Variants in UGT2A1 observed in about 807,000 individuals in gnomAD.
UGT2A1 encodes the protein UDP glucuronosyltransferase family 2 member A1 complex locus.
A neutral mutation model predicts 45.4 loss-of-function variants in UGT2A1; 61 were observed. That is an observed-to-expected ratio of 1.34 (90% confidence interval 1.09 to 1.66). The LOEUF (loss-of-function observed/expected upper bound fraction) is 1.66. Ranked by LOEUF, UGT2A1 falls within the 40% of genes most tolerant of loss-of-function variation. The pLI, the probability that UGT2A1 is intolerant of heterozygous loss-of-function variation, is 0.00. For synonymous variants in UGT2A1, 229 were observed against 196.2 expected (o/e 1.17, Z -1.40); for missense variants, 649 against 574.3 (o/e 1.13, Z -1.33).
intron 6 of UGT2A1, among the ~76,000 whole-genome samples, chr4:69,590,980 A>G (rs552288879): frequency 6.6e-5 from 10 of 152,224 alleles, no homozygotes; most frequent in Admixed American, 1.3e-4. Flanking sequence ...ACACATCCAT[A>G]TATATACTCT....
At chr4:69,612,408 T>G (rs80260976) in intron 3 of UGT2A1, among the ~76,000 whole-genome samples, 6,575 of 151,978 alleles carry the variant, frequency 0.043, 232 homozygotes, top group South Asian at 0.17. Context: ...ATTCTAAAAT[T>G]TATATGGAAC....
At chr4:69,631,105 A>G (rs932822479) in intron 3 of UGT2A1, among the ~76,000 whole-genome samples, 1 of 152,154 alleles carries the variant, frequency 6.6e-6, no homozygotes, top group Non-Finnish European at 1.5e-5. Context: ...AATCAGTGAT[A>G]GCTATCTCAA....
intron 3 of UGT2A1, among the ~76,000 whole-genome samples, chr4:69,613,929 T>C (rs889726539): frequency 1.3e-5 from 2 of 152,020 alleles, no homozygotes; most frequent in African/African-American, 4.8e-5. Flanking sequence ...GAGTAGGATA[T>C]GTGCTTTCAC....
intron 3 of UGT2A1, among the ~76,000 whole-genome samples, chr4:69,623,376 A>T (rs755313233): frequency 1.3e-5 from 2 of 151,798 alleles, no homozygotes; most frequent in African/African-American, 4.8e-5. Flanking sequence ...AATTTTTGTG[A>T]GAATCATCTC....
At chr4:69,611,869 A>ATTAC (rs931291802) in intron 3 of UGT2A1, among the ~76,000 whole-genome samples, 2 of 152,180 alleles carry the variant, frequency 1.3e-5, no homozygotes, top group Non-Finnish European at 2.9e-5. Flanking sequence ...AGTTTCCCTC[A>ATTAC]TTACACATAC....
chr4:69,618,326 G>A (rs1276854545), intron 3 of UGT2A1, among the ~76,000 whole-genome samples: 1 of 142,062 alleles, frequency 7.0e-6, no homozygotes, highest in Non-Finnish European at 1.6e-5. Context: ...ATTAAATTAA[G>A]TCCAACCAGT....
chr4:69,639,197 A>G (rs1420699036), intron 2 of UGT2A1: 1 of 1,613,710 alleles, frequency 6.2e-7, no homozygotes, highest in East Asian at 2.2e-5. Context: ...CACCTTTCTG[A>G]AGTCTTGCCA....
intron 3 of UGT2A1, among the ~76,000 whole-genome samples, chr4:69,610,315 C>G (rs1396935592): frequency 6.6e-6 from 1 of 151,974 alleles, no homozygotes; most frequent in Non-Finnish European, 1.5e-5. Flanking sequence ...ATTGCTTAAT[C>G]ATTTAGCATT....
intron 3 of UGT2A1, among the ~76,000 whole-genome samples, chr4:69,634,012 G>A (rs1172255840): frequency 1.3e-5 from 2 of 152,082 alleles, no homozygotes; most frequent in Admixed American, 1.3e-4. Context: ...TTGGGAGGCC[G>A]AGGCGGGCGG....
At chr4:69,591,944 TC>T (rs1718617082) in intron 6 of UGT2A1, among the ~76,000 whole-genome samples, 1 of 152,282 alleles carries the variant, frequency 6.6e-6, no homozygotes, top group Admixed American at 6.5e-5. Context: ...AATTATGATT[TC>T]TAAAATTATG....
rs568101924 is a variant in UGT2A1, at chr4:69,606,224, C to T, written c.848-6830G>A. ...GCGGCACATCAAAAAGCTTACCCAC[C>T]ATGATCAAGTGGGCTTCATCCCTGG... On this transcript the variant is annotated intron_variant, in intron 3 of 6. Coordinates refer to ENST00000286604, the MANE Select transcript of UGT2A1 (RefSeq NM_001252275.3). 2.9e-5 allele frequency among the ~76,000 whole-genome samples: 4 copies of T among 136,346 alleles called. No individual in the cohort carries two copies. The East Asian group carries it at 8.2e-4, about 28-fold the overall frequency. The allele number at this position is 136,346 out of a possible 152,430, so 89.4% of individuals were successfully genotyped here. A position where few individuals can be genotyped will look rare whatever the true frequency, so the allele number is the denominator to read the frequency against.
rs536247028 is a variant in UGT2A1, at chr4:69,602,999, G to A, written c.848-3605C>T. Among the ~76,000 whole-genome samples the A allele has an allele frequency of 8.9e-5, 12 of 135,058 alleles. 3 individuals carry two copies. The South Asian group carries it at 2.4e-3, about 27-fold the overall frequency. The allele number at this position is 135,058 out of a possible 152,430, so 88.6% of individuals were successfully genotyped here. ...AGAGAATTGCTTGAACCCGGGAGGA[G>A]GAGGTTGCAGTGAGCCAAGATCACG... On this transcript the variant is annotated intron_variant, in intron 3 of 6. Transcript: ENST00000286604.
intron 3 of UGT2A1, among the ~76,000 whole-genome samples, chr4:69,622,870 A>C (rs780163401): frequency 3.4e-4 from 51 of 151,792 alleles, no homozygotes; most frequent in Non-Finnish European, 5.9e-4. Flanking sequence ...TTTCCTGACA[A>C]AAATTGCTAA....
chr4:69,593,739 A>C (rs937334854), intron 6 of UGT2A1, among the ~76,000 whole-genome samples: 6 of 151,830 alleles, frequency 4.0e-5, no homozygotes, highest in Non-Finnish European at 7.4e-5. Flanking sequence ...GTGTGTATAC[A>C]TATACTAATT....
intron 3 of UGT2A1, among the ~76,000 whole-genome samples, chr4:69,611,447 A>G (rs1332288139): frequency 2.0e-5 from 3 of 147,958 alleles, no homozygotes; most frequent in Admixed American, 1.4e-4. Flanking sequence ...AAATGATAAG[A>G]AAAAAAAACT....
At chr4:69,613,618 T>C (rs1720197527) in intron 3 of UGT2A1, among the ~76,000 whole-genome samples, 1 of 152,014 alleles carries the variant, frequency 6.6e-6, no homozygotes, top group Admixed American at 6.6e-5. Context: ...ATTAAAAAGA[T>C]CATTCATCAT....
chr4:69,618,211 G>GTGTT (rs1553905705), intron 3 of UGT2A1, among the ~76,000 whole-genome samples: 2 of 113,222 alleles, frequency 1.8e-5, no homozygotes, highest in Non-Finnish European at 3.7e-5. Flanking sequence ...GTGTGTGTGT[G>GTGTT]TGTGTATGTT....
At chr4:69,608,447 C>G (rs961214660) in intron 3 of UGT2A1, among the ~76,000 whole-genome samples, 1 of 151,280 alleles carries the variant, frequency 6.6e-6, no homozygotes, top group African/African-American at 2.4e-5. Context: ...GGAAGGATAG[C>G]GTTGGGAAAT....
intron 3 of UGT2A1, among the ~76,000 whole-genome samples, chr4:69,602,922 G>A (rs1319637927): frequency 7.4e-6 from 1 of 134,818 alleles, no homozygotes; most frequent in African/African-American, 3.0e-5. Context: ...AAAAAAATTA[G>A]CCGGGCGTGG....
Sources: allele counts gnomAD v4.1 joint callset (sites outside exome capture counted in the v4.1 genomes callset), GRCh38; gene constraint gnomAD v4.1.1; transcripts MANE v1.5; gene names NCBI Gene and HGNC (gene_info 2026-07-23, HGNC 2026-07-21).